Variants in BMP6 observed in about 807,000 individuals in gnomAD.
The protein encoded by BMP6 is VG-1-R.
Under a neutral mutation model 54.1 loss-of-function variants are expected in BMP6, and 17 were observed. The ratio of observed to expected loss-of-function variants is 0.31; its 90% CI spans 0.22 to 0.47. BMP6 has a LOEUF of 0.47. Ranked by LOEUF, BMP6 falls within the 20% of genes least tolerant of loss-of-function variation. The pLI is 1.00. For missense variants in BMP6, 720 were observed against 690.4 expected (o/e 1.04, Z -0.48); for synonymous variants, 328 against 291.2 (o/e 1.13, Z -1.28).
chr6:7,873,035 G>A (rs1561798144), intron 4 of BMP6, among the ~76,000 whole-genome samples: 1 of 151,992 alleles, frequency 6.6e-6, no homozygotes, highest in Non-Finnish European at 1.5e-5. Flanking sequence ...CAAACTCATG[G>A]GTTCAAACAG....
chr6:7,864,689 A>T (rs1012747169), intron 4 of BMP6, among the ~76,000 whole-genome samples: 4 of 152,100 alleles, frequency 2.6e-5, no homozygotes, highest in Admixed American at 6.5e-5. Context: ...TTGAGGATCC[A>T]CCGCCCAGCG....
chr6:7,770,331 T>A (rs1757763988), intron 1 of BMP6, among the ~76,000 whole-genome samples: 1 of 152,204 alleles, frequency 6.6e-6, no homozygotes, highest in Non-Finnish European at 1.5e-5. Context: ...AAATACTAGG[T>A]CCTGGTGGTT....
chr6:7,776,484 C>T (rs1483895052), intron 1 of BMP6, among the ~76,000 whole-genome samples: 1 of 152,202 alleles, frequency 6.6e-6, no homozygotes, highest in Admixed American at 6.5e-5. Context: ...AAGTCATGTG[C>T]CCATTTCCAG....
chr6:7,731,766 C>T (rs563046143), intron 1 of BMP6, among the ~76,000 whole-genome samples: 2 of 152,270 alleles, frequency 1.3e-5, no homozygotes, highest in South Asian at 2.1e-4. Flanking sequence ...AATCATCGTG[C>T]TTTATTAATA....
intron 1 of BMP6, among the ~76,000 whole-genome samples, chr6:7,812,114 G>A (rs1408342857): frequency 6.6e-6 from 1 of 150,930 alleles, no homozygotes; most frequent in Non-Finnish European, 1.5e-5. Context: ...ATCAAGGCTT[G>A]TACATTTTAT....
intron 1 of BMP6, among the ~76,000 whole-genome samples, chr6:7,780,660 A>AAT (rs1330734388): frequency 6.6e-6 from 1 of 152,132 alleles, no homozygotes; most frequent in Admixed American, 6.5e-5. Flanking sequence ...GTAAGGGATC[A>AAT]ATATATATTT....
At chr6:7,774,498 G>A (rs1324746680) in intron 1 of BMP6, among the ~76,000 whole-genome samples, 1 of 152,240 alleles carries the variant, frequency 6.6e-6, no homozygotes, top group Non-Finnish European at 1.5e-5. Context: ...GTTGCAGTGA[G>A]CCAAGATCGC....
Position 7,850,530 on chromosome 6 carries a change from C to G in BMP6, c.857+5198C>G, listed in dbSNP as rs534638510. 2.1e-4 allele frequency among the ~76,000 whole-genome samples: 32 copies of G among 152,264 alleles called. No individual in the cohort carries two copies. The South Asian group carries it at 6.4e-3, about 31-fold the overall frequency. ...GGAACAATCCCAGACTGAACTATTG[C>G]TTTAATTTTTGACAGAATTCACAAA... is the stretch of plus-strand genomic sequence containing the variant. On this transcript the variant is annotated intron_variant, in intron 2 of 6. Transcript: ENST00000283147.
At chr6:7,727,708 T>C in intron 1 of BMP6, 89 bp downstream of exon 1, 1 of 1,355,362 alleles carries the variant, frequency 7.4e-7, no homozygotes, top group Non-Finnish European at 9.5e-7. Flanking sequence ...GTGGAGGAGC[T>C]CCCGGCGCGC....
intron 1 of BMP6, among the ~76,000 whole-genome samples, chr6:7,822,134 C>T (rs1311954902): frequency 3.9e-5 from 6 of 152,106 alleles, no homozygotes; most frequent in African/African-American, 1.4e-4. Flanking sequence ...AATTCTCCTG[C>T]CTCAGCCTCC....
In BMP6 at chr6:7,782,038, T is replaced by C. The variant is rs78774599; in HGVS notation, c.664+54419T>C. Among the ~76,000 whole-genome samples the C allele has an allele frequency of 3.1e-3, 468 of 150,954 alleles. 9 individuals are homozygous for C. Among genetic ancestry groups the C allele is most frequent in the African/African-American group, 0.011 (443 of 41,278 alleles). ...ATTTAGGAAGTTTTTAGTAGCTGGG[T>C]TGAGAAATGGTGGTGGCTTGAATGG... is the stretch of plus-strand genomic sequence containing the variant. On this transcript the variant is annotated intron_variant, in intron 1 of 6. Coordinates refer to ENST00000283147, the MANE Select transcript of BMP6 (RefSeq NM_001718.6).
intron 1 of BMP6, among the ~76,000 whole-genome samples, chr6:7,819,565 G>T (rs931067887): frequency 6.6e-6 from 1 of 152,094 alleles, no homozygotes; most frequent in Non-Finnish European, 1.5e-5. Flanking sequence ...AAGGGAAGGG[G>T]AAAAGGCCTC....
At chr6:7,804,408 TTTTC>T (rs904962916) in intron 1 of BMP6, among the ~76,000 whole-genome samples, 4 of 152,210 alleles carry the variant, frequency 2.6e-5, no homozygotes, top group African/African-American at 9.7e-5. Context: ...TCCTTTGCTT[TTTTC>T]TTTATTATTC....
At chr6:7,743,863 C>A (rs1006567614) in intron 1 of BMP6, among the ~76,000 whole-genome samples, 9 of 152,180 alleles carry the variant, frequency 5.9e-5, no homozygotes, top group Admixed American at 5.9e-4. Context: ...AAACTCTTAC[C>A]TAAGTGCTTT....
chr6:7,749,116 A>C (rs930426170), intron 1 of BMP6, among the ~76,000 whole-genome samples: 3 of 152,218 alleles, frequency 2.0e-5, no homozygotes, highest in Non-Finnish European at 4.4e-5. Flanking sequence ...TACAAAAGGC[A>C]ATCACTGATG....
chr6:7,734,129 G>T (rs561244474), intron 1 of BMP6, among the ~76,000 whole-genome samples: 2 of 152,290 alleles, frequency 1.3e-5, no homozygotes, highest in African/African-American at 2.4e-5. Flanking sequence ...AAAGTTAAGG[G>T]TCTGAAGCCA....
chr6:7,853,907 GAAAA>G (rs11378183), intron 2 of BMP6, among the ~76,000 whole-genome samples: 1 of 148,290 alleles, frequency 6.7e-6, no homozygotes, highest in African/African-American at 2.5e-5. Flanking sequence ...TACTTGGGGA[GAAAA>G]AAAAAAAGAC....
intron 2 of BMP6, among the ~76,000 whole-genome samples, chr6:7,856,610 T>TTTTTTTTTTTTTTTTTTTGTTTTTG (rs1477184469): frequency 8.2e-6 from 1 of 122,202 alleles, no homozygotes; most frequent in Non-Finnish European, 1.7e-5. Flanking sequence ...TTTTTTTTTT[T>TTTTTTTTTTTTTTTTTTTGTTTTTG]TTTTGAGACG....
chr6:7,736,868 C>G (rs1761963369), intron 1 of BMP6, among the ~76,000 whole-genome samples: 1 of 152,112 alleles, frequency 6.6e-6, no homozygotes, highest in Non-Finnish European at 1.5e-5. Flanking sequence ...CCCTATTCTG[C>G]TCCCTTACAG....
Sources: gnomAD v4.1 joint callset for allele counts (sites outside exome capture counted in the v4.1 genomes callset) on GRCh38, gnomAD v4.1.1 for gene constraint, MANE v1.5 for transcripts, NCBI Gene and HGNC (gene_info 2026-07-23, HGNC 2026-07-21) for gene names.